The following FRMD4A variants were observed in gnomAD, a reference collection of about 807,000 sequenced individuals.
FRMD4A encodes the protein FERM domain-containing protein 4A.
A neutral mutation model predicts 129.1 loss-of-function variants in FRMD4A; 29 were observed. The ratio of observed to expected loss-of-function variants is 0.22; its 90% CI spans 0.17 to 0.31. The LOEUF is 0.31. Among genes scored for constraint, FRMD4A ranks in the 10% least tolerant of loss-of-function variants. FRMD4A has a pLI of 1.00. For synonymous variants in FRMD4A, 634 were observed against 571.6 expected, an observed-to-expected ratio of 1.11 and a Z score of -1.56; for missense variants, 1,272 against 1,375.8, an observed-to-expected ratio of 0.92 and a Z score of 1.19.
chr10:14,211,533 A>G lies in FRMD4A; in HGVS notation c.45+118525T>C, dbSNP rs148000641. On this transcript the variant is annotated intron_variant, in intron 2 of 24. Coordinates refer to ENST00000357447, the MANE Select transcript of FRMD4A (RefSeq NM_018027.5). ...GGAATCAAACCGTATCATGCGTGCTATCTGTCAAGAGCCAGTTCCTATTTC... is the reference window on the plus strand; with the variant it reads ...GGAATCAAACCGTATCATGCGTGCTGTCTGTCAAGAGCCAGTTCCTATTTC... 1.7e-4 allele frequency among the ~76,000 whole-genome samples: 26 copies of G among 152,332 alleles called. No homozygotes were observed. The South Asian group carries it at 4.6e-3, about 27-fold the overall frequency.
chr10:13,954,502 T>C (rs1430683240), intron 2 of FRMD4A, among the ~76,000 whole-genome samples: 1 of 152,128 alleles, frequency 6.6e-6, no homozygotes, highest in Admixed American at 6.5e-5. Context: ...CGGGTCTCTC[T>C]CATGACACAT....
chr10:14,071,942 T>C (rs1835338676), intron 2 of FRMD4A, among the ~76,000 whole-genome samples: 1 of 152,180 alleles, frequency 6.6e-6, no homozygotes. Flanking sequence ...GCAAGGCTGC[T>C]TCTCTTAATT....
intron 2 of FRMD4A, among the ~76,000 whole-genome samples, chr10:14,276,904 T>C (rs947242246): frequency 2.0e-5 from 3 of 152,178 alleles, no homozygotes; most frequent in Admixed American, 1.3e-4. Context: ...TCTCATTCTC[T>C]GCCAGGCTGG....
intron 2 of FRMD4A, chr10:13,991,668 C>T (rs2095603904): frequency 6.6e-6 from 1 of 152,612 alleles, no homozygotes; most frequent in Non-Finnish European, 1.5e-5. Flanking sequence ...TGGGACAATG[C>T]GTTCTGCCAA....
At chr10:13,886,389 A>G (rs937065563) in intron 2 of FRMD4A, among the ~76,000 whole-genome samples, 7 of 152,068 alleles carry the variant, frequency 4.6e-5, no homozygotes, top group African/African-American at 1.4e-4. Flanking sequence ...GAAGTGCAAA[A>G]TATCATTAAA....
intron 2 of FRMD4A, among the ~76,000 whole-genome samples, chr10:14,296,187 G>A (rs983928644): frequency 6.6e-6 from 1 of 152,118 alleles, no homozygotes; most frequent in Non-Finnish European, 1.5e-5. Flanking sequence ...GCCCTTTATC[G>A]GGTGAGAATA....
At chr10:13,782,052 C>CT (rs1198234376) in intron 6 of FRMD4A, among the ~76,000 whole-genome samples, 1 of 152,130 alleles carries the variant, frequency 6.6e-6, no homozygotes, top group African/African-American at 2.4e-5. Context: ...ACTCATGTAA[C>CT]TAAATACCAC....
At chr10:13,910,198 G>A (rs963785113) in intron 2 of FRMD4A, among the ~76,000 whole-genome samples, 4 of 152,192 alleles carry the variant, frequency 2.6e-5, no homozygotes, top group African/African-American at 9.7e-5. Flanking sequence ...TAATATGCTA[G>A]TTCAAAATTT....
In FRMD4A at chr10:13,673,611, CAT is replaced by C. The variant is rs539633442; in HGVS notation, c.1251+1298_1251+1299del. ...GCGCACACACACACACACACAGAGTCATGTGTATTGCATTAAAACATGAAGCC... is the reference window on the plus strand; with the variant it reads ...GCGCACACACACACACACACAGAGTCGTGTATTGCATTAAAACATGAAGCC... On this transcript the variant is annotated intron_variant, in intron 16 of 24. Coordinates refer to ENST00000357447, the MANE Select transcript of FRMD4A (RefSeq NM_018027.5). 2.5e-3 allele frequency among the ~76,000 whole-genome samples: 372 copies of C among 151,350 alleles called. 3 individuals carry two copies. Among genetic ancestry groups the C allele is most frequent in the African/African-American group, 8.1e-3 (329 of 40,836 alleles).
intron 2 of FRMD4A, among the ~76,000 whole-genome samples, chr10:13,921,230 C>CTCTT: frequency 6.8e-6 from 1 of 146,220 alleles, no homozygotes. Flanking sequence ...CTTTCTTTCT[C>CTCTT]TCTCTTTCTT....
chr10:13,687,099 T>C (rs967918294), intron 15 of FRMD4A, among the ~76,000 whole-genome samples: 3 of 152,166 alleles, frequency 2.0e-5, no homozygotes, highest in African/African-American at 7.2e-5. Context: ...GAGACCATCC[T>C]GGCCAACATC....
In FRMD4A at chr10:14,309,280, T is replaced by C. The variant is rs936225074; in HGVS notation, c.45+20778A>G. On this transcript the variant is annotated intron_variant, in intron 2 of 24. Transcript: ENST00000357447. ...GCTTGGACAACATAGTGAGACCTCATCTCTAAAAAAATTTTTTAAATTAGC... is the reference window on the plus strand; with the variant it reads ...GCTTGGACAACATAGTGAGACCTCACCTCTAAAAAAATTTTTTAAATTAGC... Among the ~76,000 whole-genome samples, 7 of 152,098 alleles carry C rather than the reference T, an allele frequency of 4.6e-5. No individual in the cohort carries two copies. The East Asian group carries it at 1.4e-3, about 29-fold the overall frequency.
chr10:14,042,145 C>T (rs770894010), intron 2 of FRMD4A, among the ~76,000 whole-genome samples: 3 of 152,170 alleles, frequency 2.0e-5, no homozygotes, highest in Admixed American at 1.3e-4. Context: ...ATAAAGAAAT[C>T]GATGTACTTT....
At chr10:14,311,002 A>G (rs930311818) in intron 2 of FRMD4A, among the ~76,000 whole-genome samples, 1 of 152,140 alleles carries the variant, frequency 6.6e-6, no homozygotes, top group Non-Finnish European at 1.5e-5. Flanking sequence ...CCGCTTCACT[A>G]GCATGGGGTT....
chr10:13,754,436 G>A lies in FRMD4A; in HGVS notation c.465-6617C>T, dbSNP rs2091769918. Reference sequence around the variant, plus strand: ...TATAACTTTTCCACTTGAACATTTTGCTTCAAATTTTCACAGATTCTGTTC... The same window carrying A: ...TATAACTTTTCCACTTGAACATTTTACTTCAAATTTTCACAGATTCTGTTC... On this transcript the variant is annotated intron_variant, in intron 8 of 24. Transcript: ENST00000357447. Among the ~76,000 whole-genome samples the A allele has an allele frequency of 2.0e-5, 3 of 152,238 alleles. No homozygotes were observed. In the South Asian group the frequency reaches 6.2e-4, roughly 32 times the overall value.
chr10:13,872,242 GA>G (rs1326749144), intron 2 of FRMD4A, among the ~76,000 whole-genome samples: 1 of 152,252 alleles, frequency 6.6e-6, no homozygotes, highest in Non-Finnish European at 1.5e-5. Context: ...CTGGATGGGT[GA>G]GGAGGCTAAT....
chr10:13,685,796 C>G (rs1411770513), intron 15 of FRMD4A: 2 of 177,342 alleles, frequency 1.1e-5, no homozygotes. Flanking sequence ...GAGCGAGACC[C>G]TGTCTCAAAA....
intron 2 of FRMD4A, among the ~76,000 whole-genome samples, chr10:14,278,421 C>A (rs1845411634): frequency 6.6e-6 from 1 of 152,178 alleles, no homozygotes; most frequent in African/African-American, 2.4e-5. Flanking sequence ...TGATTTATTT[C>A]TTGTTAGTAT....
chr10:13,928,310 A>C (rs1243545715), intron 2 of FRMD4A, among the ~76,000 whole-genome samples: 1 of 150,866 alleles, frequency 6.6e-6, no homozygotes, highest in Non-Finnish European at 1.5e-5. Context: ...GCCTTACTTA[A>C]CATATCTTTA....
Sources: allele counts gnomAD v4.1 joint callset (sites outside exome capture counted in the v4.1 genomes callset), GRCh38; gene constraint gnomAD v4.1.1; transcripts MANE v1.5; gene names NCBI Gene and HGNC (gene_info 2026-07-23, HGNC 2026-07-21).